CDKAL1: variants seen among roughly 807,000 people sequenced by gnomAD.
CDKAL1 encodes the protein CDKAL1 threonylcarbamoyladenosine tRNA methylthiotransferase.
CDKAL1 carries 32 observed loss-of-function variants against 68.2 expected under a neutral mutation model. The observed-to-expected ratio is 0.47, with a 90% CI of 0.35 to 0.63. The LOEUF (loss-of-function observed/expected upper bound fraction) is 0.63. Ranked by LOEUF, CDKAL1 falls within the 30% of genes least tolerant of loss-of-function variation. The pLI, the probability that CDKAL1 is intolerant of heterozygous loss-of-function variation, is 0.00. For synonymous variants in CDKAL1, 234 were observed against 244.3 expected (o/e 0.96, Z 0.39); for missense variants, 606 against 696.7 (o/e 0.87, Z 1.47).
intron 13 of CDKAL1, among the ~76,000 whole-genome samples, chr6:21,192,490 A>G (rs1270792857): frequency 6.6e-6 from 1 of 152,064 alleles, no homozygotes; most frequent in Non-Finnish European, 1.5e-5. Flanking sequence ...TCAAAAGTCC[A>G]TAGAACTGAA....
chr6:20,791,885 A>C (rs1481743036), intron 8 of CDKAL1, among the ~76,000 whole-genome samples: 1 of 151,886 alleles, frequency 6.6e-6, no homozygotes, highest in Non-Finnish European at 1.5e-5. Context: ...TTGGAAGGGC[A>C]CAGTAGGAGC....
intron 13 of CDKAL1, among the ~76,000 whole-genome samples, chr6:21,138,237 C>CTGTG (rs144464167): frequency 0.011 from 1,623 of 151,268 alleles, 15 homozygotes; most frequent in African/African-American, 0.03. Flanking sequence ...ATGTGTGTGT[C>CTGTG]TGTGTGTGTG....
intron 11 of CDKAL1, among the ~76,000 whole-genome samples, chr6:21,058,944 G>T (rs1770988514): frequency 6.6e-6 from 1 of 152,182 alleles, no homozygotes; most frequent in East Asian, 1.9e-4. Flanking sequence ...TGGTGGAGCG[G>T]GTTTGCTGCA....
chr6:20,827,303 A>C (rs547884659), intron 8 of CDKAL1, among the ~76,000 whole-genome samples: 1 of 152,274 alleles, frequency 6.6e-6, no homozygotes, highest in Non-Finnish European at 1.5e-5. Context: ...CACATGGGGC[A>C]GTTTTCAGTA....
chr6:21,202,518 A>AT (rs1166085468), intron 15 of CDKAL1, among the ~76,000 whole-genome samples: 1 of 152,092 alleles, frequency 6.6e-6, no homozygotes, highest in African/African-American at 2.4e-5. Context: ...ACTTTGAAAA[A>AT]TTTTTTAAGA....
chr6:21,022,448 A>G (rs547217091), intron 11 of CDKAL1, among the ~76,000 whole-genome samples: 1 of 152,292 alleles, frequency 6.6e-6, no homozygotes, highest in South Asian at 2.1e-4. Context: ...TCTAAACAAT[A>G]GATTGTGGCA....
intron 9 of CDKAL1, among the ~76,000 whole-genome samples, chr6:20,915,007 A>G (rs1257201763): frequency 6.6e-6 from 1 of 152,162 alleles, no homozygotes; most frequent in African/African-American, 2.4e-5. Context: ...ACTTTCTGAA[A>G]TACTAGCAGA....
chr6:20,902,741 A>G (rs1478044388), intron 9 of CDKAL1, among the ~76,000 whole-genome samples: 2 of 152,210 alleles, frequency 1.3e-5, no homozygotes, highest in Non-Finnish European at 2.9e-5. Flanking sequence ...TATGGCATAC[A>G]AAAAGGGAGA....
intron 9 of CDKAL1, among the ~76,000 whole-genome samples, chr6:20,899,043 G>C (rs72657618): frequency 0.17 from 25,437 of 149,434 alleles, 2,677 homozygotes; most frequent in Middle Eastern, 0.26. Context: ...AGTTTCCTAG[G>C]ATCCTTTTTC....
chr6:20,976,770 T>C lies in CDKAL1; in HGVS notation c.909+21185T>C, dbSNP rs188006751. Among the ~76,000 whole-genome samples the C allele has an allele frequency of 2.4e-3, 362 of 152,322 alleles. 2 individuals are homozygous for C. The highest frequency in any genetic ancestry group is 8.2e-3 in the African/African-American group (343 of 41,586). On this transcript the variant is annotated intron_variant, in intron 10 of 15. Coordinates refer to ENST00000274695, the MANE Select transcript of CDKAL1 (RefSeq NM_017774.3). Reference sequence around the variant, plus strand: ...ATGGATTCATACAGTATGTACTCTTTTGAATTTGATTTATTTTGCCCAACA... The same window carrying C: ...ATGGATTCATACAGTATGTACTCTTCTGAATTTGATTTATTTTGCCCAACA...
intron 8 of CDKAL1, among the ~76,000 whole-genome samples, chr6:20,809,246 T>C (rs1412520795): frequency 6.6e-6 from 1 of 152,204 alleles, no homozygotes; most frequent in Non-Finnish European, 1.5e-5. Flanking sequence ...CACAGGGCCA[T>C]TCCTTCCTTA....
At chr6:20,649,266 TC>T in intron 4 of CDKAL1, 26 bp from the exon 5 acceptor site, 1 of 1,501,012 alleles carries the variant, frequency 6.7e-7, no homozygotes, top group Middle Eastern at 1.7e-4. Flanking sequence ...GCTACTTACT[TC>T]TTTTTTGTGT....
intron 9 of CDKAL1, among the ~76,000 whole-genome samples, chr6:20,889,039 C>G (rs1412097075): frequency 6.6e-6 from 1 of 152,160 alleles, no homozygotes; most frequent in African/African-American, 2.4e-5. Context: ...CCTGTTGTTT[C>G]CTGACTTTTT....
chr6:20,538,174 GA>G (rs1235292718), intron 2 of CDKAL1, among the ~76,000 whole-genome samples: 1 of 151,638 alleles, frequency 6.6e-6, no homozygotes, highest in African/African-American at 2.4e-5. Flanking sequence ...TGAGGCAGCT[GA>G]AAAATAACTT....
intron 5 of CDKAL1, among the ~76,000 whole-genome samples, chr6:20,655,412 G>A (rs1412224424): frequency 6.6e-6 from 1 of 152,164 alleles, no homozygotes; most frequent in African/African-American, 2.4e-5. Flanking sequence ...TGAGATGGAA[G>A]AATTCTTTAC....
intron 15 of CDKAL1, among the ~76,000 whole-genome samples, chr6:21,203,307 G>C: frequency 7.5e-6 from 1 of 133,116 alleles, no homozygotes; most frequent in South Asian, 2.5e-4. Context: ...TGCAGTGTCA[G>C]CTCACTGCAG....
At chr6:21,092,949 G>T (rs1166277102) in intron 12 of CDKAL1, among the ~76,000 whole-genome samples, 1 of 151,474 alleles carries the variant, frequency 6.6e-6, no homozygotes, top group African/African-American at 2.4e-5. Flanking sequence ...AAAATAAGAT[G>T]AAAAATAGAA....
intron 5 of CDKAL1, among the ~76,000 whole-genome samples, chr6:20,681,190 C>CTTTTAAA (rs1770359636): frequency 1.3e-5 from 2 of 152,316 alleles, no homozygotes; most frequent in Admixed American, 1.3e-4. Context: ...TGGCCTCATT[C>CTTTTAAA]TGTAGGTGAA....
chr6:21,206,767 T>C (rs532255716), intron 15 of CDKAL1, among the ~76,000 whole-genome samples: 3 of 152,302 alleles, frequency 2.0e-5, no homozygotes, highest in Admixed American at 2.0e-4. Context: ...ATTTGTATAA[T>C]GGAGCTAACA....
Sources: allele counts gnomAD v4.1 joint callset (sites outside exome capture counted in the v4.1 genomes callset), GRCh38; gene constraint gnomAD v4.1.1; transcripts MANE v1.5; gene names NCBI Gene and HGNC (gene_info 2026-07-23, HGNC 2026-07-21).